Variants in MGAT5 observed in about 807,000 individuals in gnomAD.
MGAT5 encodes alpha-1,6-mannosylglycoprotein 6-beta-N-acetylglucosaminyltransferase A.
A neutral mutation model predicts 94.3 loss-of-function variants in MGAT5; 30 were observed. The ratio of observed to expected loss-of-function variants is 0.32; its 90% CI spans 0.24 to 0.43. The LOEUF is 0.43. Ranked by LOEUF, MGAT5 falls within the 20% of genes least tolerant of loss-of-function variation. MGAT5 has a pLI of 1.00. For missense variants in MGAT5, 691 were observed against 905.5 expected (o/e 0.76, Z 3.04); for synonymous variants, 310 against 322.9 (o/e 0.96, Z 0.43).
chr2:134,302,471 T>C (rs181274639), intron 2 of MGAT5, among the ~76,000 whole-genome samples: 2 of 152,272 alleles, frequency 1.3e-5, no homozygotes, highest in Admixed American at 1.3e-4. Context: ...GTGTTTTATA[T>C]TTAGCCCCAT....
At chr2:134,127,649 T>A (rs1191566603) in intron 1 of MGAT5, among the ~76,000 whole-genome samples, 3 of 152,048 alleles carry the variant, frequency 2.0e-5, no homozygotes, top group Non-Finnish European at 4.4e-5. Context: ...CCAGGCAGCA[T>A]GGCATCGTGA....
intron 14 of MGAT5, among the ~76,000 whole-genome samples, chr2:134,430,947 G>C (rs982501735): frequency 6.6e-6 from 1 of 152,142 alleles, no homozygotes; most frequent in African/African-American, 2.4e-5. Flanking sequence ...AGGATGCTTG[G>C]GGATCACATG....
chr2:134,164,399 A>C, intron 1 of MGAT5, among the ~76,000 whole-genome samples: 1 of 152,148 alleles, frequency 6.6e-6, no homozygotes, highest in East Asian at 1.9e-4. Context: ...ATGAGACCAA[A>C]TTTGGGGACC....
chr2:134,430,565 G>T (rs1319702665), intron 14 of MGAT5, among the ~76,000 whole-genome samples: 2 of 152,134 alleles, frequency 1.3e-5, no homozygotes, highest in African/African-American at 4.8e-5. Flanking sequence ...TTTTATTCCT[G>T]TGTGTCAGGA....
intron 2 of MGAT5, among the ~76,000 whole-genome samples, chr2:134,311,878 A>G (rs577512456): frequency 6.6e-6 from 1 of 152,304 alleles, no homozygotes; most frequent in East Asian, 1.9e-4. Flanking sequence ...TAGAAGATGC[A>G]AGTAGCCTTG....
chr2:134,354,054 G>A (rs1679562209), intron 9 of MGAT5, among the ~76,000 whole-genome samples: 1 of 152,082 alleles, frequency 6.6e-6, no homozygotes, highest in African/African-American at 2.4e-5. Flanking sequence ...TACCTTTTGG[G>A]TCAATGTGGC....
At chr2:134,267,182 G>A (rs1683771201) in intron 1 of MGAT5, among the ~76,000 whole-genome samples, 2 of 152,178 alleles carry the variant, frequency 1.3e-5, no homozygotes. Flanking sequence ...GATGCTTGCT[G>A]GTGGACAGGT....
chr2:134,439,961 G>A (rs962273845), intron 14 of MGAT5, among the ~76,000 whole-genome samples: 11 of 152,108 alleles, frequency 7.2e-5, no homozygotes, highest in East Asian at 1.9e-4. Context: ...CTCCTCCTCC[G>A]CACAGATCTG....
At chr2:134,195,589 G>A (rs1679456913) in intron 1 of MGAT5, among the ~76,000 whole-genome samples, 1 of 152,138 alleles carries the variant, frequency 6.6e-6, no homozygotes, top group Admixed American at 6.5e-5. Flanking sequence ...GTAGGTTTCC[G>A]TTTGCTTCAC....
At chr2:134,369,087 G>A (rs1424280299) in intron 10 of MGAT5, among the ~76,000 whole-genome samples, 3 of 152,126 alleles carry the variant, frequency 2.0e-5, no homozygotes, top group African/African-American at 7.2e-5. Context: ...AGTAGGAATT[G>A]CACCTGCTTT....
Position 134,449,051 on chromosome 2 carries a change from G to T in MGAT5, c.*204G>T. On this transcript the variant is annotated 3_prime_UTR_variant, in exon 16 of 16. Coordinates refer to ENST00000281923, the MANE Select transcript of MGAT5 (RefSeq NM_002410.5). ...CAAAACAAAACAAGAGCGTATGTCA[G>T]GCCAGGAGCCTGGCTTGTCCCTGGC... 1.7e-6 allele frequency: 1 copy of T among 589,594 alleles called. No individual in the cohort carries two copies. Among genetic ancestry groups the T allele is most frequent in the Non-Finnish European group, 3.0e-6 (1 of 332,034 alleles). The allele number at this position is 589,594 out of a possible 1,614,324, so 36.5% of individuals were successfully genotyped here. A position where few individuals can be genotyped will look rare whatever the true frequency, so the allele number is the denominator to read the frequency against.
Position 134,121,770 on chromosome 2 carries a change from G to A in MGAT5, c.-143+1479G>A, listed in dbSNP as rs540970680. ...GGTATCTCATTCTAAGGAGATGCGA[G>A]TGGGAAGCTGGGTCGTTGAACTGAC... is the stretch of plus-strand genomic sequence containing the variant. On this transcript the variant is annotated intron_variant, in intron 1 of 16. Transcript: ENST00000409645. Among the ~76,000 whole-genome samples the A allele has an allele frequency of 3.3e-5, 5 of 152,328 alleles. No homozygotes were observed. In the South Asian group the frequency reaches 8.3e-4, roughly 25 times the overall value.
At chr2:134,249,372 A>G (rs1333156127), upstream of MGAT5, among the ~76,000 whole-genome samples, 2 of 151,954 alleles carry the variant, frequency 1.3e-5, no homozygotes, top group Non-Finnish European at 2.9e-5. Context: ...ACCCCCTAGA[A>G]AAACCCTATA....
chr2:134,314,268 T>C (rs1454329867), intron 2 of MGAT5, among the ~76,000 whole-genome samples: 1 of 152,164 alleles, frequency 6.6e-6, no homozygotes, highest in Admixed American at 6.5e-5. Context: ...CCCATCACTG[T>C]GTAACTAAAT....
intron 8 of MGAT5, among the ~76,000 whole-genome samples, chr2:134,346,038 G>A (rs533518817): frequency 3.9e-5 from 6 of 152,226 alleles, no homozygotes; most frequent in African/African-American, 1.2e-4. Context: ...CTAAAAACTT[G>A]CTGCGGGCCA....
intron 14 of MGAT5, among the ~76,000 whole-genome samples, chr2:134,437,736 G>A (rs1239304382): frequency 6.6e-6 from 1 of 152,072 alleles, no homozygotes; most frequent in East Asian, 1.9e-4. Flanking sequence ...GGTTGAGCGG[G>A]CTGACATGGT....
chr2:134,414,104 C>T (rs3791306), intron 12 of MGAT5, among the ~76,000 whole-genome samples: 18,778 of 150,568 alleles, frequency 0.12, 1,489 homozygotes, highest in East Asian at 0.29. Flanking sequence ...AAGGTTAATC[C>T]GTGGCCCAGA....
At chr2:134,146,477 T>C (rs946647111) in intron 1 of MGAT5, among the ~76,000 whole-genome samples, 7 of 152,074 alleles carry the variant, frequency 4.6e-5, no homozygotes, top group African/African-American at 1.4e-4. Context: ...GTAGTGTCTT[T>C]TGAGCCCAGG....
chr2:134,357,995 G>A lies in MGAT5; in HGVS notation c.1247-4280G>A, dbSNP rs184494775. ...TTCAATGAATTTTTTTCTACCGTCG[G>A]TTTTATCAGGATCAGCAAAAACGGC... On this transcript the variant is annotated intron_variant, in intron 9 of 15. Coordinates refer to ENST00000281923, the MANE Select transcript of MGAT5 (RefSeq NM_002410.5). Among the ~76,000 whole-genome samples the A allele has an allele frequency of 4.3e-4, 65 of 152,110 alleles. 1 individual carries two copies. Among genetic ancestry groups the A allele is most frequent in the African/African-American group, 1.5e-3 (61 of 41,486 alleles).
Sources: allele counts gnomAD v4.1 joint callset (sites outside exome capture counted in the v4.1 genomes callset), GRCh38; gene constraint gnomAD v4.1.1; transcripts MANE v1.5; gene names NCBI Gene and HGNC (gene_info 2026-07-23, HGNC 2026-07-21).